SNTG1: variants seen among roughly 807,000 people sequenced by gnomAD.
SNTG1 encodes the protein syntrophin gamma 1.
In SNTG1, 39 loss-of-function variants were observed where a neutral mutation model predicts 74.7. That is an observed-to-expected ratio of 0.52 (90% CI 0.40 to 0.68). SNTG1 has a LOEUF of 0.68. Among genes scored for constraint, SNTG1 ranks in the 30% least tolerant of loss-of-function variants. The pLI is 0.00. For missense variants in SNTG1, 685 were observed against 609.5 expected (o/e 1.12, Z -1.30); for synonymous variants, 254 against 217.1 (o/e 1.17, Z -1.49).
At chr8:50,348,570 A>G (rs2091553873) in intron 2 of SNTG1, among the ~76,000 whole-genome samples, 1 of 152,212 alleles carries the variant, frequency 6.6e-6, no homozygotes, top group African/African-American at 2.4e-5. Flanking sequence ...AGCAGGACCA[A>G]TGCACTTAAT....
intron 18 of SNTG1, among the ~76,000 whole-genome samples, chr8:50,784,102 G>T (rs1470256715): frequency 6.6e-6 from 1 of 152,192 alleles, no homozygotes; most frequent in Admixed American, 6.5e-5. Flanking sequence ...CTGTAAAAGA[G>T]TAGGAGATCC....
chr8:50,112,715 G>A (rs983930890), intron 1 of SNTG1, among the ~76,000 whole-genome samples: 2 of 151,698 alleles, frequency 1.3e-5, no homozygotes, highest in African/African-American at 4.8e-5. Flanking sequence ...TAGAGATGGG[G>A]TTTCGCCATG....
chr8:49,989,534 G>A (rs1015471281), intron 1 of SNTG1, among the ~76,000 whole-genome samples: 5 of 151,820 alleles, frequency 3.3e-5, no homozygotes, highest in African/African-American at 9.7e-5. Context: ...GCAATAAATA[G>A]TCAATATAAT....
At chr8:50,470,753 G>T (rs534791142) in intron 8 of SNTG1, among the ~76,000 whole-genome samples, 3 of 152,226 alleles carry the variant, frequency 2.0e-5, no homozygotes, top group Admixed American at 6.5e-5. Context: ...AAGGTAGTGC[G>T]GACCCAAAGA....
intron 2 of SNTG1, among the ~76,000 whole-genome samples, chr8:50,335,291 G>C (rs1466818771): frequency 2.0e-5 from 3 of 152,168 alleles, no homozygotes; most frequent in Non-Finnish European, 4.4e-5. Context: ...TCACCACTCT[G>C]GTGGTCAGAA....
chr8:49,998,657 T>C (rs1035359129), intron 1 of SNTG1, among the ~76,000 whole-genome samples: 1 of 150,256 alleles, frequency 6.7e-6, no homozygotes, highest in African/African-American at 2.5e-5. Context: ...TTCAGGATCA[T>C]CAATGTCACT....
chr8:50,400,755 T>C (rs1198445718), intron 3 of SNTG1, among the ~76,000 whole-genome samples: 1 of 152,156 alleles, frequency 6.6e-6, no homozygotes, highest in East Asian at 1.9e-4. Flanking sequence ...TAGTAAGTGA[T>C]GTTGGAGTTG....
intron 12 of SNTG1, among the ~76,000 whole-genome samples, chr8:50,571,300 C>T (rs1029512472): frequency 5.9e-5 from 9 of 152,154 alleles, no homozygotes. Context: ...AAGCTAACTC[C>T]CTGGGACCTG....
chr8:50,077,797 TAAAG>T (rs1216239025), intron 1 of SNTG1, among the ~76,000 whole-genome samples: 4 of 152,172 alleles, frequency 2.6e-5, no homozygotes, highest in African/African-American at 9.6e-5. Flanking sequence ...ATGAATATCA[TAAAG>T]ACTTTCTTGT....
chr8:50,633,138 T>A (rs2095014208), intron 13 of SNTG1, among the ~76,000 whole-genome samples: 1 of 130,944 alleles, frequency 7.6e-6, no homozygotes, highest in Non-Finnish European at 1.7e-5. Context: ...GCTATAAAGC[T>A]GTCTTCCATT....
At chr8:50,782,650 A>G (rs1251902302) in intron 18 of SNTG1, among the ~76,000 whole-genome samples, 3 of 152,016 alleles carry the variant, frequency 2.0e-5, no homozygotes, top group Admixed American at 6.6e-5. Flanking sequence ...TTTGGTTTGA[A>G]TTTCCTCCTT....
upstream of SNTG1, among the ~76,000 whole-genome samples, chr8:49,910,338 C>G (rs1805518425): frequency 1.3e-5 from 2 of 150,346 alleles, no homozygotes; most frequent in Admixed American, 6.6e-5. Flanking sequence ...ACCAGTCTTT[C>G]TCGAATTTCC....
chr8:50,391,101 C>T (rs887249680), intron 2 of SNTG1, among the ~76,000 whole-genome samples: 5 of 152,252 alleles, frequency 3.3e-5, no homozygotes, highest in South Asian at 2.1e-4. Context: ...GAACTTCCAA[C>T]ACTGTGTTGA....
At chr8:50,407,779 A>G (rs2131378346) in intron 4 of SNTG1, among the ~76,000 whole-genome samples, 1 of 152,308 alleles carries the variant, frequency 6.6e-6, no homozygotes, top group Non-Finnish European at 1.5e-5. Flanking sequence ...CTCTGCCTGG[A>G]AATTTGAAGA....
intron 2 of SNTG1, among the ~76,000 whole-genome samples, chr8:50,211,977 A>G (rs926642227): frequency 6.6e-6 from 1 of 152,176 alleles, no homozygotes; most frequent in Non-Finnish European, 1.5e-5. Context: ...AGGCTGTTAT[A>G]TGTGTTCTGC....
At chr8:50,129,751 C>A (rs769725491) in intron 1 of SNTG1, among the ~76,000 whole-genome samples, 3 of 152,038 alleles carry the variant, frequency 2.0e-5, no homozygotes, top group Non-Finnish European at 4.4e-5. Context: ...CAGGAAAAAG[C>A]CTTCTGTTTT....
At chr8:50,397,120 A>G (rs1320213263) in intron 3 of SNTG1, among the ~76,000 whole-genome samples, 3 of 152,204 alleles carry the variant, frequency 2.0e-5, no homozygotes, top group Admixed American at 6.5e-5. Flanking sequence ...TTTTACTTAT[A>G]TCATTTTTAA....
At chr8:50,298,960 A>G (rs2089517292) in intron 2 of SNTG1, among the ~76,000 whole-genome samples, 1 of 152,202 alleles carries the variant, frequency 6.6e-6, no homozygotes. Flanking sequence ...TTAATTTTTT[A>G]TAAAGTATTG....
intron 1 of SNTG1, among the ~76,000 whole-genome samples, chr8:50,134,071 G>A (rs2081395621): frequency 6.6e-6 from 1 of 152,276 alleles, no homozygotes; most frequent in Non-Finnish European, 1.5e-5. Flanking sequence ...TATTGGGGCA[G>A]GGGCTGCCAA....
Sources: allele counts gnomAD v4.1 joint callset (sites outside exome capture counted in the v4.1 genomes callset), GRCh38; gene constraint gnomAD v4.1.1; transcripts MANE v1.5; gene names NCBI Gene and HGNC (gene_info 2026-07-23, HGNC 2026-07-21).